DYNC2LI1: variants seen among roughly 807,000 people sequenced by gnomAD.
DYNC2LI1 encodes cytoplasmic dynein 2 light intermediate chain 1.
In DYNC2LI1, 45 loss-of-function variants were observed where a neutral mutation model predicts 51.9. The ratio of observed to expected loss-of-function variants is 0.87; its 90% confidence interval spans 0.68 to 1.11. The LOEUF (loss-of-function observed/expected upper bound fraction) is 1.11, where lower values mean the gene tolerates loss of function less well. Among genes scored for constraint, DYNC2LI1 ranks in the 50% most tolerant of loss-of-function variants. The pLI is 0.00. For synonymous variants in DYNC2LI1, 130 were observed against 137.8 expected (o/e 0.94, Z 0.40); for missense variants, 490 against 417.4 (o/e 1.17, Z -1.51).
chr2:43,791,339 C>T (rs1465482960), intron 5 of DYNC2LI1, among the ~76,000 whole-genome samples: 1 of 152,146 alleles, frequency 6.6e-6, no homozygotes, highest in Non-Finnish European at 1.5e-5. Flanking sequence ...GCCTCCTATT[C>T]AACTGACTTG....
At chr2:43,775,692 CTTTTT>C in intron 1 of DYNC2LI1, 4 of 326,000 alleles carry the variant, frequency 1.2e-5, no homozygotes, top group South Asian at 2.3e-5. Context: ...TTTTTATTTT[CTTTTT>C]TTTTTTTTTA....
chr2:43,791,454 C>T (rs769491944), intron 5 of DYNC2LI1, among the ~76,000 whole-genome samples: 15 of 151,974 alleles, frequency 9.9e-5, no homozygotes, highest in Admixed American at 2.0e-4. Flanking sequence ...AGGGTTAATA[C>T]CTCATTTGTG....
the DYNC2LI1 span, chr2:43,824,315 T>G: frequency 6.2e-7 from 1 of 1,614,222 alleles, no homozygotes; most frequent in Non-Finnish European, 8.5e-7. Context: ...TCTTTCAATA[T>G]TCTTCAAAGT....
the DYNC2LI1 span, among the ~76,000 whole-genome samples, chr2:43,823,462 G>A: frequency 6.6e-6 from 1 of 152,086 alleles, no homozygotes; most frequent in Non-Finnish European, 1.5e-5. Context: ...TCTAACACCT[G>A]CTTCCTGCAA....
intron 12 of DYNC2LI1, 55 bp downstream of exon 12, chr2:43,805,301 G>T: frequency 3.5e-6 from 4 of 1,140,620 alleles, no homozygotes; most frequent in East Asian, 2.4e-5. Flanking sequence ...CAAAACCTGG[G>T]GTGCCTTGGG....
Position 43,804,671 on chromosome 2 carries a change from G to A in DYNC2LI1, c.832G>A (p.Gly278Arg), listed in dbSNP as rs1666182833. 2 of 1,607,100 alleles carry A rather than the reference G, an allele frequency of 1.2e-6. No homozygotes were observed. The highest frequency in any genetic ancestry group is 1.3e-5 in the African/African-American group (1 of 74,502). Residue 278 changes from glycine (G) to arginine (R), a missense_variant, in exon 11 of 13, where the codon GGA becomes AGA. Transcript: ENST00000260605. ...TCCTCCTGTTCCTGAAAATGACATT[G>A]GAAAGCTTCATGCCCACTCACCTAT... ...GSPPVPENDI[G>R]KLHAHSPMEL...
At chr2:43,810,626 C>A, downstream of DYNC2LI1, 1 of 581,364 alleles carries the variant, frequency 1.7e-6, no homozygotes, top group Non-Finnish European at 2.2e-6. Flanking sequence ...CATTTACTAC[C>A]CCAAGGGAGT....
chr2:43,781,085 G>A (rs377465723), intron 2 of DYNC2LI1, among the ~76,000 whole-genome samples: 1 of 152,106 alleles, frequency 6.6e-6, no homozygotes, highest in Non-Finnish European at 1.5e-5. Context: ...AGTGATTTAA[G>A]GCCAGGCGTG....
At chr2:43,823,877 G>A in the DYNC2LI1 span, 1 of 1,607,332 alleles carries the variant, frequency 6.2e-7, no homozygotes, top group African/African-American at 1.3e-5. Context: ...GGTATTTAGG[G>A]AGAAAGAGGT....
the DYNC2LI1 span, chr2:43,828,062 A>C: frequency 2.4e-5 from 38 of 1,613,988 alleles, no homozygotes; most frequent in South Asian, 3.7e-4. Context: ...TGTAGTTGCC[A>C]ATCAGTCGGT....
chr2:43,777,668 C>T (rs1418837473), intron 2 of DYNC2LI1, among the ~76,000 whole-genome samples: 1 of 152,226 alleles, frequency 6.6e-6, no homozygotes, highest in Non-Finnish European at 1.5e-5. Flanking sequence ...ACGAAGCTTT[C>T]AGAAACTACA....
Position 43,787,236 on chromosome 2 carries a change from A to G in DYNC2LI1, c.217A>G (p.Lys73Glu), listed in dbSNP as rs1211817574. 3 of 1,613,166 alleles carry G rather than the reference A, an allele frequency of 1.9e-6. No individual in the cohort carries two copies. The highest frequency in any genetic ancestry group is 2.5e-6 in the Non-Finnish European group (3 of 1,179,380). ...GGAATATACATATGGAAGAAGAGCAAAAGGGCACAACACAGTAAGTGTCTT... is the reference window on the plus strand; with the variant it reads ...GGAATATACATATGGAAGAAGAGCAGAAGGGCACAACACAGTAAGTGTCTT... ...ALEYTYGRRA[K>E]GHNTPKDIAH... Residue 73 changes from lysine to glutamate, a missense_variant, in exon 4 of 13, where the codon AAA becomes GAA. By Grantham distance (56) the Lys-to-Glu change is moderately conservative. Transcript: ENST00000260605.
the DYNC2LI1 span, chr2:43,824,497 C>T: frequency 6.9e-6 from 11 of 1,601,272 alleles, no homozygotes; most frequent in Admixed American, 6.7e-5. Context: ...CATGGATATA[C>T]AATTGGTACA....
intron 3 of DYNC2LI1, among the ~76,000 whole-genome samples, chr2:43,786,616 A>G (rs1227105674): frequency 4.6e-5 from 7 of 152,258 alleles, no homozygotes; most frequent in Admixed American, 1.3e-4. Context: ...CCTGGTCAGG[A>G]GATCTAGACC....
At chr2:43,813,296 A>C, downstream of DYNC2LI1, 1 of 1,613,110 alleles carries the variant, frequency 6.2e-7, no homozygotes, top group Non-Finnish European at 8.5e-7. Flanking sequence ...TTGTCACAGA[A>C]ACATTTGAGC....
chr2:43,827,895 G>C, the DYNC2LI1 span: 1 of 1,579,064 alleles, frequency 6.3e-7, no homozygotes, highest in Non-Finnish European at 8.6e-7. Context: ...CTTTCCAAAT[G>C]AGGACCGTGA....
downstream of DYNC2LI1, chr2:43,813,376 AC>A: frequency 1.0e-5 from 12 of 1,163,392 alleles, no homozygotes; most frequent in Non-Finnish European, 1.5e-5. Context: ...ACAAGTATTT[AC>A]CAAGCGCTTG....
downstream of DYNC2LI1, chr2:43,814,456 A>G: frequency 6.7e-7 from 1 of 1,487,852 alleles, no homozygotes; most frequent in Non-Finnish European, 9.4e-7. Context: ...CAAAAATAAT[A>G]TCCCCAAATA....
the DYNC2LI1 span, among the ~76,000 whole-genome samples, chr2:43,825,725 G>C: frequency 6.6e-6 from 1 of 151,748 alleles, no homozygotes; most frequent in Non-Finnish European, 1.5e-5. Flanking sequence ...TCCTGCCTCA[G>C]CTTCCCGAAT....
Sources: allele counts gnomAD v4.1 joint callset (sites outside exome capture counted in the v4.1 genomes callset), GRCh38; gene constraint gnomAD v4.1.1; transcripts MANE v1.5; gene names NCBI Gene and HGNC (gene_info 2026-07-23, HGNC 2026-07-21).